The following MME variants were observed in gnomAD, a reference collection of about 807,000 sequenced individuals.
MME encodes the protein neprilysin.
A neutral mutation model predicts 113.2 loss-of-function variants in MME; 98 were observed. The ratio of observed to expected loss-of-function variants is 0.87; its 90% CI spans 0.74 to 1.02. The LOEUF is 1.02. MME is among the 50% of genes least tolerant of loss of function. The probability of loss-of-function intolerance (pLI) is 0.00; values close to 1 mark genes in which losing one functional copy is unlikely to be tolerated. For missense variants in MME, 836 were observed against 896.0 expected, an observed-to-expected ratio of 0.93 and a Z score of 0.86; for synonymous variants, 292 against 300.6, an observed-to-expected ratio of 0.97 and a Z score of 0.30.
intron 1 of MME, among the ~76,000 whole-genome samples, chr3:155,050,180 C>G (rs948806476): frequency 6.6e-6 from 1 of 152,112 alleles, no homozygotes. Context: ...TTTTTTATGG[C>G]TGCGTAGTAT....
intron 1 of MME, among the ~76,000 whole-genome samples, chr3:155,057,160 A>G (rs1713960835): frequency 6.6e-6 from 1 of 152,108 alleles, no homozygotes; most frequent in African/African-American, 2.4e-5. Context: ...TGAACAAGCA[A>G]CCTACAAAAT....
chr3:155,124,419 C>T (rs1400761083), intron 8 of MME, among the ~76,000 whole-genome samples: 2 of 151,694 alleles, frequency 1.3e-5, no homozygotes, highest in African/African-American at 4.8e-5. Flanking sequence ...TCTCTCAGCT[C>T]GTCAAAGTCA....
chr3:155,149,951 T>A (rs1424443423), intron 16 of MME, among the ~76,000 whole-genome samples: 1 of 152,110 alleles, frequency 6.6e-6, no homozygotes, highest in Admixed American at 6.6e-5. Context: ...AGAAAGAGAG[T>A]GAATACACAT....
At chr3:155,075,370 T>C (rs1258475179), upstream of MME, among the ~76,000 whole-genome samples, 4 of 152,134 alleles carry the variant, frequency 2.6e-5, no homozygotes, top group Admixed American at 6.5e-5. Flanking sequence ...ATTTGTTTGT[T>C]TTATGCCAAT....
chr3:155,128,048 T>C (rs899747631), intron 8 of MME, among the ~76,000 whole-genome samples: 2 of 152,250 alleles, frequency 1.3e-5, no homozygotes, highest in African/African-American at 4.8e-5. Flanking sequence ...GGTGACATCC[T>C]TCTTTCCTGC....
At chr3:155,108,164 A>C (rs1275567771) in intron 3 of MME, among the ~76,000 whole-genome samples, 1 of 152,246 alleles carries the variant, frequency 6.6e-6, no homozygotes, top group Non-Finnish European at 1.5e-5. Flanking sequence ...AGTATTCACT[A>C]ATTCAGTGTA....
chr3:155,089,915 G>T (rs1266667258), intron 3 of MME: 1 of 440,654 alleles, frequency 2.3e-6, no homozygotes, highest in Admixed American at 2.4e-5. Flanking sequence ...AGCCAAGATT[G>T]CACGACTGCA....
chr3:155,156,103 A>G (rs1361849168), intron 16 of MME, among the ~76,000 whole-genome samples: 5 of 152,176 alleles, frequency 3.3e-5, no homozygotes. Flanking sequence ...CTTTGGTCCT[A>G]CTGTGCTTTT....
intron 3 of MME, among the ~76,000 whole-genome samples, chr3:155,102,871 C>T (rs1328392599): frequency 6.6e-6 from 1 of 152,174 alleles, no homozygotes; most frequent in Non-Finnish European, 1.5e-5. Context: ...CTCCTTTATC[C>T]CTTCTTCAGA....
At chr3:155,153,068 A>T (rs1178658505) in intron 16 of MME, among the ~76,000 whole-genome samples, 1 of 148,252 alleles carries the variant, frequency 6.7e-6, no homozygotes, top group East Asian at 2.0e-4. Flanking sequence ...ACGGAGTCTC[A>T]CTCTGTCACC....
intron 1 of MME, among the ~76,000 whole-genome samples, chr3:155,034,709 G>A (rs942981899): frequency 6.6e-6 from 1 of 152,102 alleles, no homozygotes; most frequent in African/African-American, 2.4e-5. Flanking sequence ...GTCATTACTC[G>A]ATATACTCAC....
Position 155,144,471 on chromosome 3 carries a change from A to C in MME, c.1416+14A>C. On this transcript the variant is annotated intron_variant, in intron 14 of 22. Coordinates refer to ENST00000360490, the MANE Select transcript of MME (RefSeq NM_007289.4). ...GCTGAAGAAAAGGTAAAGAGCAGAC[A>C]GCTAACTAGCAAAGAAAAATCTTTG... The C allele has an allele frequency of 6.5e-7, 1 of 1,531,136 alleles. No homozygotes were observed. Among genetic ancestry groups the C allele is most frequent in the Non-Finnish European group, 9.0e-7 (1 of 1,105,616 alleles). 94.8% of individuals were successfully genotyped at this position (1,531,136 alleles called of 1,614,324 possible).
At chr3:155,145,309 A>G (rs1228708210) in intron 14 of MME, among the ~76,000 whole-genome samples, 1 of 152,132 alleles carries the variant, frequency 6.6e-6, no homozygotes, top group African/African-American at 2.4e-5. Flanking sequence ...GTGTCACAAA[A>G]TACTGGACAT....
At chr3:155,170,703 G>T (rs1442677459) in intron 20 of MME, among the ~76,000 whole-genome samples, 2 of 152,024 alleles carry the variant, frequency 1.3e-5, no homozygotes, top group Non-Finnish European at 2.9e-5. Flanking sequence ...AATCTCTGAG[G>T]TTCTCTTTTT....
At chr3:155,082,654 T>C (rs1715255895) in intron 1 of MME, among the ~76,000 whole-genome samples, 1 of 152,222 alleles carries the variant, frequency 6.6e-6, no homozygotes. Flanking sequence ...CATTGTGTAA[T>C]AAAATATTTT....
intron 3 of MME, among the ~76,000 whole-genome samples, chr3:155,086,843 C>A (rs1715775949): frequency 6.6e-6 from 1 of 152,096 alleles, no homozygotes; most frequent in African/African-American, 2.4e-5. Flanking sequence ...CTTGCTCTGT[C>A]ACCCAGGCTG....
rs1374048709 is a variant in MME, at chr3:155,088,650, TA to T, written c.196+3557del. 1.7e-4 allele frequency among the ~76,000 whole-genome samples: 21 copies of T among 126,816 alleles called. No homozygotes were observed. In the East Asian group the frequency reaches 3.9e-3, roughly 24 times the overall value. The allele number at this position is 126,816 out of a possible 152,430, so 83.2% of individuals were successfully genotyped here. ...GTGAGCTGAGATTGCGCCATTGCAC[TA>T]CAGCCTGGGCAACAAGACTGAAACT... On this transcript the variant is annotated intron_variant, in intron 3 of 22. Transcript: ENST00000360490.
chr3:155,111,210 T>A (rs1718161299), intron 3 of MME, among the ~76,000 whole-genome samples: 1 of 152,172 alleles, frequency 6.6e-6, no homozygotes. Context: ...GTCCAGAGGA[T>A]AAGGTGCAAA....
At chr3:155,122,354 C>T (rs1438195953) in intron 8 of MME, among the ~76,000 whole-genome samples, 8 of 144,700 alleles carry the variant, frequency 5.5e-5, no homozygotes, top group African/African-American at 1.8e-4. Flanking sequence ...TTTGTTGATC[C>T]TTTCAAAAAA....
Sources: gnomAD v4.1 joint callset for allele counts (sites outside exome capture counted in the v4.1 genomes callset) on GRCh38, gnomAD v4.1.1 for gene constraint, MANE v1.5 for transcripts, NCBI Gene and HGNC (gene_info 2026-07-23, HGNC 2026-07-21) for gene names.